PPP2R2D: variants seen among roughly 807,000 people sequenced by gnomAD.
PPP2R2D encodes protein phosphatase 2 regulatory subunit Bdelta.
PPP2R2D carries 9 observed loss-of-function variants against 31.1 expected under a neutral mutation model. The ratio of observed to expected loss-of-function variants is 0.29; its 90% confidence interval spans 0.17 to 0.51. The LOEUF is 0.51. Ranked by LOEUF, PPP2R2D falls within the 20% of genes least tolerant of loss-of-function variation. The probability of loss-of-function intolerance (pLI) is 0.98; values close to 1 mark genes in which losing one functional copy is unlikely to be tolerated. For missense variants in PPP2R2D, 391 were observed against 465.6 expected (o/e 0.84, Z 1.48); for synonymous variants, 179 against 172.6 (o/e 1.04, Z -0.29).
chr10:131,934,474 C>T lies in PPP2R2D; in HGVS notation c.117C>T (p.Thr39=), dbSNP rs527594515. The T allele has an allele frequency of 3.8e-6, 3 of 779,454 alleles. No individual in the cohort carries two copies. Among genetic ancestry groups the T allele is most frequent in the African/African-American group, 1.7e-5 (1 of 59,198 alleles). The allele number at this position is 779,454 out of a possible 1,614,324, so 48.3% of individuals were successfully genotyped here. A position where few individuals can be genotyped will look rare whatever the true frequency, so the allele number is the denominator to read the frequency against. The change falls in exon 3 of 9, where the codon ACC becomes ACT. Residue 39 remains threonine, a synonymous_variant. Transcript: ENST00000455566. Reference sequence around the variant, plus strand: ...TGTTGACAGCGGACATCATTTCCACCGTTGAGTTTAATTACTCTGGAGATC... The same window carrying T: ...TGTTGACAGCGGACATCATTTCCACTGTTGAGTTTAATTACTCTGGAGATC... ...EDVAEADIIS[T]VEFNYSGDLL... is the part of the protein sequence containing the mutation.
intron 2 of PPP2R2D, among the ~76,000 whole-genome samples, chr10:131,933,060 A>G (rs1019788496): frequency 4.6e-5 from 7 of 152,214 alleles, no homozygotes; most frequent in Admixed American, 1.3e-4. Flanking sequence ...TTTTAGTTTC[A>G]TTTAAGCAAG....
Position 131,903,951 on chromosome 10 carries a change from C to T in PPP2R2D, c.100+2621C>T, listed in dbSNP as rs995564171. Among the ~76,000 whole-genome samples the T allele has an allele frequency of 1.7e-3, 259 of 152,248 alleles. 1 individual carries two copies. The highest frequency in any genetic ancestry group is 5.9e-3 in the African/African-American group (247 of 41,538). ...GGGTACGGTGACTCACACCTGTAAC[C>T]CCAGCACTCTGGGAGGCTGAGGCGG... On this transcript the variant is annotated intron_variant, in intron 2 of 8. Transcript: ENST00000455566.
At chr10:131,901,453 A>G in intron 2 of PPP2R2D, 123 bp downstream of exon 2, 1 of 318,570 alleles carries the variant, frequency 3.1e-6, no homozygotes, top group South Asian at 1.5e-4. Flanking sequence ...CGGGCGGGGC[A>G]GGGGCCAGGG....
chr10:131,917,845 T>C (rs1333634390), intron 2 of PPP2R2D, among the ~76,000 whole-genome samples: 1 of 108,816 alleles, frequency 9.2e-6, no homozygotes, highest in African/African-American at 3.7e-5. Context: ...AATGACACAG[T>C]GTTTGTAGGG....
chr10:131,948,649 C>T (rs551672960), intron 8 of PPP2R2D, among the ~76,000 whole-genome samples: 5 of 152,358 alleles, frequency 3.3e-5, no homozygotes, highest in East Asian at 1.9e-4. Flanking sequence ...CGAGAGCAGC[C>T]TTGCAGCCCC....
chr10:131,934,892 A>T, intron 3 of PPP2R2D: 1 of 462,036 alleles, frequency 2.2e-6, no homozygotes, highest in Non-Finnish European at 4.3e-6. Context: ...ACGCCTATGC[A>T]GGTACTGGCC....
intron 2 of PPP2R2D, chr10:131,911,759 C>T (rs1435369065): frequency 1.3e-5 from 2 of 152,220 alleles, no homozygotes; most frequent in Non-Finnish European, 1.5e-5. Flanking sequence ...CTCAAGGGCC[C>T]ACAGACCGCA....
chr10:131,928,025 C>T (rs868940780), intron 2 of PPP2R2D, among the ~76,000 whole-genome samples: 6 of 152,188 alleles, frequency 3.9e-5, no homozygotes, highest in South Asian at 2.1e-4. Flanking sequence ...TTCAGAGTTG[C>T]TGTACCCATG....
At chr10:131,951,445 C>T (rs1053533196) in intron 8 of PPP2R2D, among the ~76,000 whole-genome samples, 1 of 152,192 alleles carries the variant, frequency 6.6e-6, no homozygotes, top group Non-Finnish European at 1.5e-5. Flanking sequence ...CAAAGATAAT[C>T]CACAAAGAAA....
downstream of PPP2R2D, among the ~76,000 whole-genome samples, chr10:131,960,944 G>A (rs1554901368): frequency 6.6e-6 from 1 of 152,202 alleles, no homozygotes; most frequent in African/African-American, 2.4e-5. Context: ...TCCTGGGCTG[G>A]GCCAGGGGTG....
downstream of PPP2R2D, among the ~76,000 whole-genome samples, chr10:131,960,133 G>A (rs1554901217): frequency 6.6e-6 from 1 of 152,266 alleles, no homozygotes; most frequent in Non-Finnish European, 1.5e-5. Context: ...TGTTCTGAGA[G>A]GCGCTGGCAA....
chr10:131,947,232 AGT>A lies in PPP2R2D; in HGVS notation c.821-296_821-295del, dbSNP rs1267921365. Among the ~76,000 whole-genome samples, 1 of 152,200 alleles carries A rather than the reference AGT, an allele frequency of 6.6e-6. No homozygotes were observed. The highest frequency in any genetic ancestry group is 2.4e-5 in the African/African-American group (1 of 41,458). On this transcript the variant is annotated intron_variant, in intron 7 of 8. Transcript: ENST00000455566. This position sits in a 1 kb window ranked among gnomAD's most constrained non-coding sequence, Gnocchi z 4.3. ...GCCCCGAGGAGCTCCCACAGATGGC[AGT>A]GCCCAGGACCTTGCCTAGAGATTCT...
Position 131,959,054 on chromosome 10 carries a change from C to G in PPP2R2D, c.*3091C>G, listed in dbSNP as rs1424781357. The G allele has an allele frequency of 6.9e-5, 7 of 101,040 alleles. No homozygotes were observed. The highest frequency in any genetic ancestry group is 1.1e-4 in the Admixed American group (1 of 9,480). 6.3% of individuals were successfully genotyped at this position (101,040 alleles called of 1,614,324 possible). On this transcript the variant is annotated 3_prime_UTR_variant, in exon 9 of 9. Transcript: ENST00000455566. The stretch of plus-strand genomic sequence containing the variant: ...TGGAGATGAAGGCGTGTGCTCATCC[C>G]CCATCCCCCTGTGGAGATGAAGGCG...
intron 2 of PPP2R2D, among the ~76,000 whole-genome samples, chr10:131,932,668 A>AAAAAAAAAAAAAAAAAC (rs1564817994): frequency 7.9e-6 from 1 of 126,552 alleles, no homozygotes; most frequent in East Asian, 2.1e-4. Context: ...AAAAAAAAAA[A>AAAAAAAAAAAAAAAAAC]CACACAAAAA....
intron 8 of PPP2R2D, among the ~76,000 whole-genome samples, chr10:131,954,562 C>G (rs1391828985): frequency 1.3e-5 from 2 of 152,132 alleles, no homozygotes; most frequent in Non-Finnish European, 2.9e-5. Context: ...CTGTGGGCTC[C>G]TGGATGGAAG....
chr10:131,951,799 G>A (rs1201162378), intron 8 of PPP2R2D, among the ~76,000 whole-genome samples: 4 of 152,024 alleles, frequency 2.6e-5, no homozygotes, highest in Non-Finnish European at 5.9e-5. Flanking sequence ...CAGCCTGGGC[G>A]ATAGAGTGAG....
In PPP2R2D at chr10:131,945,156, A is replaced by G. The variant is rs2036512087; in HGVS notation, c.656-139A>G. 1 of 972,768 alleles carries G rather than the reference A, an allele frequency of 1.0e-6. No homozygotes were observed. The allele number at this position is 972,768 out of a possible 1,614,324, so 60.3% of individuals were successfully genotyped here. A position where few individuals can be genotyped will look rare whatever the true frequency, so the allele number is the denominator to read the frequency against. On this transcript the variant is annotated intron_variant, in intron 6 of 8. Coordinates refer to ENST00000455566, the MANE Select transcript of PPP2R2D (RefSeq NM_018461.5). The surrounding 1 kb of genome is among the most constrained non-coding windows in gnomAD (Gnocchi z 4.8). ...ACCAGGCGCTCCTTTGGAATTCGGGATGTGTAACCAGCCTTCTTAATAGCT... is the reference window on the plus strand; with the variant it reads ...ACCAGGCGCTCCTTTGGAATTCGGGGTGTGTAACCAGCCTTCTTAATAGCT...
intron 8 of PPP2R2D, among the ~76,000 whole-genome samples, chr10:131,952,582 G>T (rs1230101934): frequency 2.1e-5 from 1 of 47,850 alleles, no homozygotes; most frequent in Non-Finnish European, 3.7e-5. Context: ...TGACTTGCGG[G>T]TGTGCGGGGG....
At chr10:131,914,440 A>AT (rs1463740251) in intron 2 of PPP2R2D, among the ~76,000 whole-genome samples, 1 of 152,168 alleles carries the variant, frequency 6.6e-6, no homozygotes, top group Non-Finnish European at 1.5e-5. Context: ...CTGTACACTC[A>AT]TTTTTTGGAG....
Sources: allele counts gnomAD v4.1 joint callset (sites outside exome capture counted in the v4.1 genomes callset), GRCh38; gene constraint gnomAD v4.1.1; non-coding constraint Gnocchi (gnomAD v3.1); transcripts MANE v1.5; gene names NCBI Gene and HGNC (gene_info 2026-07-23, HGNC 2026-07-21).